The following MED16 variants were observed in gnomAD, a reference collection of about 807,000 sequenced individuals.
MED16 encodes the protein mediator of RNA polymerase II transcription subunit 16.
A neutral mutation model predicts 84.4 loss-of-function variants in MED16; 81 were observed. That is an observed-to-expected ratio of 0.96 (90% confidence interval 0.80 to 1.15). The LOEUF (loss-of-function observed/expected upper bound fraction) is 1.15. MED16 is among the 50% of genes most tolerant of loss of function. The pLI is 0.00. For missense variants in MED16, 1,585 were observed against 1,245.9 expected (o/e 1.27, Z -4.10); for synonymous variants, 897 against 552.2 (o/e 1.62, Z -8.76).
intron 2 of MED16, chr19:890,457 G>T (rs757580891): frequency 8.6e-6 from 4 of 462,650 alleles, no homozygotes; most frequent in Non-Finnish European, 1.5e-5. Context: ...TTTAAAACCA[G>T]ATTAGAAGAA....
chr19:878,548 T>C (rs1167741456), intron 8 of MED16, among the ~76,000 whole-genome samples: 2 of 108,800 alleles, frequency 1.8e-5, no homozygotes, highest in Non-Finnish European at 1.8e-5. Context: ...TGGTTGTCAA[T>C]GCCCACCAGC....
chr19:872,946 T>A (rs569890852), intron 11 of MED16: 1 of 947,236 alleles, frequency 1.1e-6, no homozygotes, highest in African/African-American at 2.5e-5. Flanking sequence ...GGCTCCGAGG[T>A]GGGGGAGGGC....
chr19:884,525 G>A (rs575464439), intron 6 of MED16, among the ~76,000 whole-genome samples: 9 of 152,180 alleles, frequency 5.9e-5, no homozygotes, highest in Non-Finnish European at 1.0e-4. Flanking sequence ...GCCCCTGCCC[G>A]GTCTGGCCTG....
chr19:871,593 A>G (rs1167415397), intron 12 of MED16: 1 of 1,596,060 alleles, frequency 6.3e-7, no homozygotes, highest in South Asian at 1.1e-5. Flanking sequence ...AAGGAGAGAC[A>G]GCAAACAGGT....
chr19:879,411 T>C (rs1337055439), intron 8 of MED16, among the ~76,000 whole-genome samples: 198 of 86,316 alleles, frequency 2.3e-3, no homozygotes, highest in Middle Eastern at 0.012. Context: ...CTTTCCCTGG[T>C]TGTCAATGCC....
chr19:877,864 G>A (rs1158571494), intron 8 of MED16, among the ~76,000 whole-genome samples: 17 of 137,946 alleles, frequency 1.2e-4, no homozygotes, highest in African/African-American at 2.2e-4. Flanking sequence ...ACATGCCCCA[G>A]CAGCTCGCCT....
chr19:881,022 T>G (rs936239663), intron 7 of MED16, among the ~76,000 whole-genome samples: 1 of 151,980 alleles, frequency 6.6e-6, no homozygotes, highest in Non-Finnish European at 1.5e-5. Context: ...CTCTGCAGGC[T>G]CTGAGGAACA....
intron 11 of MED16, among the ~76,000 whole-genome samples, 177 bp downstream of exon 11, chr19:873,272 G>A (rs2036139550): frequency 8.2e-6 from 1 of 121,674 alleles, no homozygotes; most frequent in South Asian, 2.8e-4. Flanking sequence ...GGGCGGGGCT[G>A]AGGTGGGACT....
intron 4 of MED16, among the ~76,000 whole-genome samples, chr19:888,091 C>T (rs2036560686): frequency 6.6e-6 from 1 of 151,982 alleles, no homozygotes; most frequent in Admixed American, 6.6e-5. Context: ...GTAATCCCAG[C>T]TATTCAGGAG....
Position 871,025 on chromosome 19 carries a change from G to GTGT in MED16, c.2315+11_2315+12insACA. ...GTCCTGTGTTTGGGGACCAATGCAGGGACACACGCACCTGGCGAGGCCGTC... is the reference window on the plus strand; with the variant it reads ...GTCCTGTGTTTGGGGACCAATGCAGGTGTGACACACGCACCTGGCGAGGCCGTC... On this transcript the variant is annotated intron_variant, in intron 13 of 15. Coordinates refer to ENST00000325464, the MANE Select transcript of MED16 (RefSeq NM_005481.3). The GTGT allele has an allele frequency of 6.5e-7, 1 of 1,536,004 alleles. No homozygotes were observed. Among genetic ancestry groups the GTGT allele is most frequent in the Non-Finnish European group, 8.8e-7 (1 of 1,137,296 alleles).
At chr19:879,639 A>G in intron 8 of MED16, among the ~76,000 whole-genome samples, 1 of 120,858 alleles carries the variant, frequency 8.3e-6, no homozygotes, top group Admixed American at 9.1e-5. Flanking sequence ...CACGTGCCCC[A>G]GCAGCTCACG....
intron 9 of MED16, 74 bp downstream of exon 9, chr19:876,900 C>A: frequency 2.7e-6 from 4 of 1,470,108 alleles, no homozygotes; most frequent in Non-Finnish European, 3.6e-6. Context: ...CCACGGGGCC[C>A]CACCTGCCAC....
At chr19:870,931 C>T (rs2036034267) in intron 13 of MED16, 106 bp downstream of exon 13, 2 of 1,188,238 alleles carry the variant, frequency 1.7e-6, no homozygotes, top group South Asian at 3.0e-5. Flanking sequence ...TCGGGGGGAC[C>T]TGGGGCAGGA....
intron 8 of MED16, among the ~76,000 whole-genome samples, chr19:878,171 G>A (rs2036307522): frequency 8.5e-6 from 1 of 117,010 alleles, no homozygotes; most frequent in Admixed American, 9.8e-5. Context: ...GGTTGTCAAT[G>A]CCCACCGAGC....
intron 13 of MED16, among the ~76,000 whole-genome samples, 175 bp from the exon 14 acceptor site, chr19:869,121 C>A (rs1363209740): frequency 6.6e-6 from 1 of 152,082 alleles, no homozygotes; most frequent in Non-Finnish European, 1.5e-5. Flanking sequence ...CTGAGACAGG[C>A]CCAGTAAAGG....
At chr19:875,190 T>C in intron 10 of MED16, 54 bp downstream of exon 10, 2 of 1,207,426 alleles carry the variant, frequency 1.7e-6, no homozygotes, top group South Asian at 1.7e-5. Context: ...TAAATAAAAA[T>C]AAAATAAATA....
chr19:884,149 G>C (rs898001588), intron 6 of MED16, among the ~76,000 whole-genome samples: 1 of 152,148 alleles, frequency 6.6e-6, no homozygotes, highest in Admixed American at 6.5e-5. Flanking sequence ...AGCGCTAATC[G>C]GCAAATGCCT....
intron 11 of MED16, among the ~76,000 whole-genome samples, 175 bp from the exon 12 acceptor site, chr19:872,293 G>A (rs969359036): frequency 6.6e-6 from 1 of 151,978 alleles, no homozygotes; most frequent in African/African-American, 2.4e-5. Flanking sequence ...CGGGGACGCT[G>A]CTCAGAGCCC....
chr19:885,520 C>G (rs1460357797), intron 5 of MED16, among the ~76,000 whole-genome samples: 1 of 152,134 alleles, frequency 6.6e-6, no homozygotes, highest in Non-Finnish European at 1.5e-5. Flanking sequence ...GGTTGAGATT[C>G]AGAGACAGGA....
Sources: gnomAD v4.1 joint callset for allele counts (sites outside exome capture counted in the v4.1 genomes callset) on GRCh38, gnomAD v4.1.1 for gene constraint, MANE v1.5 for transcripts, NCBI Gene and HGNC (gene_info 2026-07-23, HGNC 2026-07-21) for gene names.